PARP15: variants seen among roughly 807,000 people sequenced by gnomAD.
PARP15 encodes the protein protein mono-ADP-ribosyltransferase PARP15.
Under a neutral mutation model 62.1 loss-of-function variants are expected in PARP15, and 50 were observed. That is an observed-to-expected ratio of 0.81 (90% CI 0.64 to 1.02). The LOEUF (loss-of-function observed/expected upper bound fraction) is 1.02. PARP15 is among the 50% of genes least tolerant of loss of function. The pLI is 0.00. For synonymous variants in PARP15, 309 were observed against 293.1 expected (o/e 1.05, Z -0.55); for missense variants, 820 against 826.5 (o/e 0.99, Z 0.10).
At chr3:122,586,397 A>G (rs1933433916) in intron 1 of PARP15, among the ~76,000 whole-genome samples, 2 of 151,962 alleles carry the variant, frequency 1.3e-5, no homozygotes, top group African/African-American at 4.8e-5. Flanking sequence ...TTTTTTATAG[A>G]TGAAGACTTG....
At chr3:122,586,251 T>C (rs186837886) in intron 1 of PARP15, among the ~76,000 whole-genome samples, 1 of 152,096 alleles carries the variant, frequency 6.6e-6, no homozygotes, top group South Asian at 2.1e-4. Context: ...CTATCACCTC[T>C]GTTGGAGTGC....
At chr3:122,585,819 T>C (rs1488578425) in intron 1 of PARP15, among the ~76,000 whole-genome samples, 1 of 152,236 alleles carries the variant, frequency 6.6e-6, no homozygotes, top group Non-Finnish European at 1.5e-5. Context: ...TTTACCACCC[T>C]GGTTGAGGAT....
chr3:122,621,532 C>G lies in PARP15; in HGVS notation c.1152C>G (p.Val384=). ...TTCATGTTCCTGGGGGAAAAGATGT[C>G]AGGAAAACGGTCACCAGTGTTCTAG... The part of the protein sequence containing the change: ...IIIHVPGGKD[V]RKTVTSVLEE... The change falls in exon 8 of 12, where the codon GTC becomes GTG. Residue 384 remains valine, a synonymous_variant. Coordinates refer to ENST00000464300, the MANE Select transcript of PARP15 (RefSeq NM_001113523.3). The G allele has an allele frequency of 1.9e-6, 3 of 1,613,918 alleles. No individual in the cohort carries two copies. Among genetic ancestry groups the G allele is most frequent in the Middle Eastern group, 3.3e-4 (2 of 6,062 alleles).
intron 1 of PARP15, among the ~76,000 whole-genome samples, chr3:122,604,995 T>C (rs1197624536): frequency 1.3e-5 from 2 of 152,136 alleles, no homozygotes; most frequent in African/African-American, 2.4e-5. Context: ...GAGATCACGC[T>C]ACTTCACTGC....
At chr3:122,621,633 A>T in intron 8 of PARP15, 22 bp downstream of exon 8, 1 of 1,557,212 alleles carries the variant, frequency 6.4e-7, no homozygotes, top group Non-Finnish European at 8.7e-7. Flanking sequence ...ATCATTCTAT[A>T]ATAAAATTTG....
chr3:122,615,301 C>T (rs761512437), intron 4 of PARP15: 30 of 1,289,696 alleles, frequency 2.3e-5, no homozygotes, highest in Admixed American at 4.6e-5. Context: ...TTTGGCTGGA[C>T]CTAAGAGATG....
intron 10 of PARP15, among the ~76,000 whole-genome samples, chr3:122,633,474 G>A (rs957437649): frequency 9.2e-5 from 14 of 152,070 alleles, no homozygotes; most frequent in Non-Finnish European, 2.1e-4. Context: ...GATGGAAAGT[G>A]TGGTGAGGCC....
At chr3:122,608,545 G>T (rs910966718) in intron 2 of PARP15, among the ~76,000 whole-genome samples, 1 of 151,974 alleles carries the variant, frequency 6.6e-6, no homozygotes, top group Admixed American at 6.6e-5. Context: ...AATATTCCAT[G>T]CACCTTGAAT....
chr3:122,608,101 C>A (rs1441558582), intron 2 of PARP15, among the ~76,000 whole-genome samples: 1 of 152,096 alleles, frequency 6.6e-6, no homozygotes. Context: ...CATCGTCTGG[C>A]CCTAAATCTC....
chr3:122,588,649 C>G (rs995371835), intron 1 of PARP15, among the ~76,000 whole-genome samples: 5 of 152,118 alleles, frequency 3.3e-5, no homozygotes, highest in African/African-American at 1.2e-4. Context: ...CAGAGCAAGA[C>G]TGTCTCTAAA....
chr3:122,601,137 G>C (rs1342882164), intron 1 of PARP15, among the ~76,000 whole-genome samples: 1 of 146,922 alleles, frequency 6.8e-6, no homozygotes, highest in Admixed American at 6.8e-5. Context: ...CACCTACTGG[G>C]TCAAGCCTCC....
intron 2 of PARP15, among the ~76,000 whole-genome samples, chr3:122,608,870 C>T (rs1437022084): frequency 6.6e-6 from 1 of 151,290 alleles, no homozygotes; most frequent in Non-Finnish European, 1.5e-5. Context: ...TAGGCTCAAG[C>T]AATCCTCCCA....
Position 122,606,035 on chromosome 3 carries a change from G to A in PARP15, c.286G>A (p.Gly96Arg), listed in dbSNP as rs1935140513. 6 of 1,551,934 alleles carry A rather than the reference G, an allele frequency of 3.9e-6. No homozygotes were observed. The highest frequency in any genetic ancestry group is 5.2e-6 in the Non-Finnish European group (6 of 1,146,878). ...KEGLNLKLIS[G>R]DVLYIWADVI... ...AGGTCTGAATCTCAAGTTGATAAGTGGAGATGTTCTGTACATCTGGGTAGG... is the reference window on the plus strand; with the variant it reads ...AGGTCTGAATCTCAAGTTGATAAGTAGAGATGTTCTGTACATCTGGGTAGG... Residue 96 changes from glycine to arginine, a missense_variant, in exon 2 of 12, where the codon GGA becomes AGA. Gly to Arg is a moderately radical substitution (Grantham distance 125). Coordinates refer to ENST00000464300, the MANE Select transcript of PARP15 (RefSeq NM_001113523.3).
chr3:122,615,494 A>G (rs1935900735), intron 4 of PARP15: 1 of 1,197,412 alleles, frequency 8.4e-7, no homozygotes, highest in South Asian at 1.6e-5. Context: ...GATAGTGGTC[A>G]CAAAAAAGGC....
intron 11 of PARP15, 147 bp from the exon 12 acceptor site, chr3:122,635,664 C>A: frequency 1.2e-6 from 1 of 861,036 alleles, no homozygotes; most frequent in Non-Finnish European, 1.7e-6. Context: ...CCTCTTGCCT[C>A]AGCCTCCCAA....
chr3:122,602,303 A>T (rs143515192), intron 1 of PARP15, among the ~76,000 whole-genome samples: 1 of 152,138 alleles, frequency 6.6e-6, no homozygotes, highest in Admixed American at 6.5e-5. Context: ...ATCAGATGGT[A>T]CGTAGACAAT....
chr3:122,578,922 T>A (rs1500533), intron 1 of PARP15, among the ~76,000 whole-genome samples: 75,540 of 151,972 alleles, frequency 0.5, 19,140 homozygotes, highest in African/African-American at 0.58. Flanking sequence ...GTAACAGCTT[T>A]TCAACAATTG....
At chr3:122,603,058 C>T (rs1934917417) in intron 1 of PARP15, among the ~76,000 whole-genome samples, 1 of 150,888 alleles carries the variant, frequency 6.6e-6, no homozygotes, top group Admixed American at 6.6e-5. Context: ...TGGTGAACAC[C>T]TACTTGACCA....
chr3:122,623,881 C>A (rs767468059), intron 8 of PARP15, among the ~76,000 whole-genome samples: 1 of 152,170 alleles, frequency 6.6e-6, no homozygotes, highest in African/African-American at 2.4e-5. Context: ...CAGGGGCTCA[C>A]GCCTGTAATC....
Sources: gnomAD v4.1 joint callset for allele counts (sites outside exome capture counted in the v4.1 genomes callset) on GRCh38, gnomAD v4.1.1 for gene constraint, MANE v1.5 for transcripts, NCBI Gene and HGNC (gene_info 2026-07-23, HGNC 2026-07-21) for gene names.